The following LRP1B variants were observed in gnomAD, a reference collection of about 807,000 sequenced individuals.
The protein encoded by LRP1B is LDL receptor related protein 1B.
Under a neutral mutation model 556.6 loss-of-function variants are expected in LRP1B, and 217 were observed. That is an observed-to-expected ratio of 0.39 (90% CI 0.35 to 0.44). LRP1B has a LOEUF of 0.44. Among genes scored for constraint, LRP1B ranks in the 20% least tolerant of loss-of-function variants. The pLI, the probability that LRP1B is intolerant of heterozygous loss-of-function variation, is 1.00. For missense variants in LRP1B, 5,053 were observed against 5,620.8 expected, an observed-to-expected ratio of 0.90 and a Z score of 3.23; for synonymous variants, 2,047 against 1,865.8, an observed-to-expected ratio of 1.10 and a Z score of -2.50.
At chr2:141,414,361 AAGAGCGGAAAGGAGGGAGGGAGGG>A (rs1691002232) in intron 3 of LRP1B, among the ~76,000 whole-genome samples, 1 of 119,590 alleles carries the variant, frequency 8.4e-6, no homozygotes, top group African/African-American at 3.0e-5. Context: ...GGGAGGGAGG[AAGAGCGGAAAGGAGGGAGGGAGGG>A]AGGAAGAAAG....
chr2:140,958,907 G>T (rs1026849746), intron 18 of LRP1B, among the ~76,000 whole-genome samples: 1 of 151,534 alleles, frequency 6.6e-6, no homozygotes, highest in Non-Finnish European at 1.5e-5. Flanking sequence ...ATATATGAGG[G>T]TTAGGTAGAG....
chr2:141,329,297 A>G (rs1297326454), intron 3 of LRP1B, among the ~76,000 whole-genome samples: 2 of 151,436 alleles, frequency 1.3e-5, no homozygotes, highest in African/African-American at 4.9e-5. Flanking sequence ...CTGAGGCAGA[A>G]GAATCACTGA....
chr2:141,497,524 C>T (rs1214307378), intron 2 of LRP1B, among the ~76,000 whole-genome samples: 1 of 151,982 alleles, frequency 6.6e-6, no homozygotes, highest in African/African-American at 2.4e-5. Flanking sequence ...TTTTCTCCTA[C>T]ACCACATTTG....
chr2:141,871,209 T>A (rs1698576324), intron 1 of LRP1B, among the ~76,000 whole-genome samples: 1 of 152,020 alleles, frequency 6.6e-6, no homozygotes, highest in African/African-American at 2.4e-5. Context: ...ATTAGCTTCT[T>A]GCACTGTTCA....
intron 37 of LRP1B, among the ~76,000 whole-genome samples, 172 bp downstream of exon 37, chr2:140,715,801 C>T (rs1559072616): frequency 1.3e-5 from 2 of 151,508 alleles, no homozygotes; most frequent in Non-Finnish European, 1.5e-5. Context: ...GTGACTTCAT[C>T]GAATATGTAC....
At chr2:141,925,489 G>C (rs781206954) in intron 1 of LRP1B, among the ~76,000 whole-genome samples, 1 of 152,114 alleles carries the variant, frequency 6.6e-6, no homozygotes, top group Non-Finnish European at 1.5e-5. Flanking sequence ...CTAAAGGAGA[G>C]GAATTCATAA....
In LRP1B at chr2:140,541,851, T is replaced by G. The variant is rs761694211; in HGVS notation, c.7315A>C (p.Thr2439Pro). 3 of 1,612,784 alleles carry G rather than the reference T, an allele frequency of 1.9e-6. No individual in the cohort carries two copies. The African/African-American group carries it at 4.0e-5, about 22-fold the overall frequency. ...LRSNKYTGGD[T>P]KILRSDIPHQ... ...GGAATATCGGAACGAAGAATTTTTG[T>G]ATCTCCTCCTGTGTACTTGTTGGAC... is the stretch of plus-strand genomic sequence containing the variant. Residue 2439 changes from threonine (T) to proline (P), a missense_variant, in exon 44 of 91, where the codon ACA becomes CCA. Thr to Pro is a conservative substitution (Grantham distance 38). Around this residue, in one of 5 missense-constraint regions of LRP1B, gnomAD observed 3,619 missense variants for 3,931.9 expected, o/e 0.92. Coordinates refer to ENST00000389484, the MANE Select transcript of LRP1B (RefSeq NM_018557.3).
At chr2:140,266,458 G>C (rs1192789544) in intron 86 of LRP1B, among the ~76,000 whole-genome samples, 1 of 151,876 alleles carries the variant, frequency 6.6e-6, no homozygotes, top group Non-Finnish European at 1.5e-5. Context: ...CCCAAATAGT[G>C]GTATTTCTGA....
intron 43 of LRP1B, among the ~76,000 whole-genome samples, chr2:140,584,413 C>T (rs922300205): frequency 6.7e-6 from 1 of 150,246 alleles, no homozygotes; most frequent in South Asian, 2.1e-4. Context: ...TATATATGAG[C>T]AGAATGGCTT....
chr2:140,834,246 T>C (rs887163196), intron 31 of LRP1B, among the ~76,000 whole-genome samples: 2 of 152,156 alleles, frequency 1.3e-5, no homozygotes, highest in African/African-American at 4.8e-5. Context: ...TTATTTTTAT[T>C]ATTATTTTTT....
chr2:141,289,423 A>G (rs977745744), intron 3 of LRP1B, among the ~76,000 whole-genome samples: 1 of 151,728 alleles, frequency 6.6e-6, no homozygotes, highest in Non-Finnish European at 1.5e-5. Flanking sequence ...CAAATGCATA[A>G]AAAGGCATCT....
chr2:141,079,021 T>C (rs949120686), intron 7 of LRP1B, among the ~76,000 whole-genome samples: 1 of 152,262 alleles, frequency 6.6e-6, no homozygotes, highest in Admixed American at 6.5e-5. Flanking sequence ...CCAGGTCTCT[T>C]AATGTATGAA....
At chr2:141,279,414 G>T (rs1420840636) in intron 3 of LRP1B, among the ~76,000 whole-genome samples, 1 of 152,050 alleles carries the variant, frequency 6.6e-6, no homozygotes, top group Non-Finnish European at 1.5e-5. Context: ...AGTACCAAAA[G>T]ATTGGTACTG....
chr2:140,658,854 G>A (rs1684983044), intron 41 of LRP1B, among the ~76,000 whole-genome samples: 1 of 151,970 alleles, frequency 6.6e-6, no homozygotes, highest in Non-Finnish European at 1.5e-5. Context: ...GTAGGTAATA[G>A]GTTGTTTATG....
At chr2:141,933,185 TTTCA>T (rs1700550149) in intron 1 of LRP1B, among the ~76,000 whole-genome samples, 1 of 152,084 alleles carries the variant, frequency 6.6e-6, no homozygotes, top group Non-Finnish European at 1.5e-5. Flanking sequence ...CAAATAATTA[TTTCA>T]TTGTCTTATC....
At chr2:140,488,955 T>A (rs1379401650) in intron 57 of LRP1B, among the ~76,000 whole-genome samples, 1 of 151,902 alleles carries the variant, frequency 6.6e-6, no homozygotes, top group Non-Finnish European at 1.5e-5. Flanking sequence ...AGTTTCAACA[T>A]CTACTCTCAA....
intron 1 of LRP1B, among the ~76,000 whole-genome samples, chr2:141,956,399 T>C (rs1300244872): frequency 6.6e-6 from 1 of 152,136 alleles, no homozygotes; most frequent in Non-Finnish European, 1.5e-5. Context: ...CATTACCTGA[T>C]AATATTTTTA....
chr2:141,642,462 G>C (rs549088268), intron 2 of LRP1B, among the ~76,000 whole-genome samples: 1 of 152,124 alleles, frequency 6.6e-6, no homozygotes, highest in Admixed American at 6.6e-5. Flanking sequence ...ATAAAGGCAA[G>C]GGGGAGTACT....
chr2:140,328,162 T>C (rs946577060), intron 79 of LRP1B, among the ~76,000 whole-genome samples: 4 of 152,036 alleles, frequency 2.6e-5, no homozygotes, highest in African/African-American at 9.7e-5. Context: ...CTCATTTTTA[T>C]CTGAACAGAG....
Sources: gnomAD v4.1 joint callset for allele counts (sites outside exome capture counted in the v4.1 genomes callset) on GRCh38, gnomAD v4.1.1 for gene constraint, gnomAD v4.1.1 regional missense constraint, MANE v1.5 for transcripts, NCBI Gene and HGNC (gene_info 2026-07-23, HGNC 2026-07-21) for gene names.